C2CD3: variants seen among roughly 807,000 people sequenced by gnomAD.
The protein encoded by C2CD3 is C2 domain containing 3 centriole elongation regulator.
Under a neutral mutation model 234.0 loss-of-function variants are expected in C2CD3, and 148 were observed. That is an observed-to-expected ratio of 0.63 (90% CI 0.55 to 0.72). The LOEUF (loss-of-function observed/expected upper bound fraction) is 0.72, where lower values mean the gene tolerates loss of function less well. C2CD3 is among the 30% of genes least tolerant of loss of function. The probability of loss-of-function intolerance (pLI) is 0.00; values close to 1 mark genes in which losing one functional copy is unlikely to be tolerated. For missense variants in C2CD3, 2,577 were observed against 2,811.5 expected, an observed-to-expected ratio of 0.92 and a Z score of 1.89; for synonymous variants, 1,000 against 1,035.4, an observed-to-expected ratio of 0.97 and a Z score of 0.66.
rs1248563572 is a variant in C2CD3, at chr11:74,161,565, A to G, written c.326-9T>C. 2.6e-6 allele frequency: 4 copies of G among 1,532,352 alleles called. No individual in the cohort carries two copies. In the South Asian group the frequency reaches 3.8e-5, roughly 14 times the overall value. 94.9% of individuals were successfully genotyped at this position (1,532,352 alleles called of 1,614,324 possible). On this transcript the variant is annotated splice_polypyrimidine_tract_variant and intron_variant, in intron 2 of 32. Transcript: ENST00000334126. ...CACCAGCACAGCCATATCTAACCAGAAACAATTACAACATGGATATTTTTC... is the reference window on the plus strand; with the variant it reads ...CACCAGCACAGCCATATCTAACCAGGAACAATTACAACATGGATATTTTTC...
Position 74,132,978 on chromosome 11 carries a change from G to A in C2CD3, c.1089-6C>T. The A allele has an allele frequency of 2.5e-6, 4 of 1,612,898 alleles. No homozygotes were observed. Among genetic ancestry groups the A allele is most frequent in the Non-Finnish European group, 3.4e-6 (4 of 1,179,452 alleles). ...TCCTAGAAAAGGCTCTGATCCTAAG[G>A]TGTGGAAAAATACTTTCTCACTGAG... On this transcript the variant is annotated splice_region_variant and splice_polypyrimidine_tract_variant and intron_variant, in intron 6 of 32. Transcript: ENST00000334126.
At chr11:74,026,326 C>A (rs1311952966) in intron 32 of C2CD3, among the ~76,000 whole-genome samples, 1 of 151,726 alleles carries the variant, frequency 6.6e-6, no homozygotes, top group East Asian at 1.9e-4. Flanking sequence ...AAAAAACAAC[C>A]AACAGAGATA....
chr11:74,028,485 C>A (rs1952396016), intron 31 of C2CD3, 87 bp from the exon 32 acceptor site: 2 of 769,890 alleles, frequency 2.6e-6, no homozygotes, highest in Non-Finnish European at 2.1e-6. Flanking sequence ...ATTCACTCTG[C>A]CCCCACTCAT....
chr11:74,029,610 A>C (rs546083667), intron 31 of C2CD3, among the ~76,000 whole-genome samples: 42 of 151,642 alleles, frequency 2.8e-4, no homozygotes, highest in Non-Finnish European at 5.0e-4. Flanking sequence ...GGACTGCCAG[A>C]CAGCCAGCTG....
intron 23 of C2CD3, 102 bp downstream of exon 23, chr11:74,078,013 T>C: frequency 1.4e-6 from 2 of 1,382,776 alleles, no homozygotes; most frequent in Non-Finnish European, 2.0e-6. Context: ...ACAGGATTGC[T>C]GGGAGGGTCA....
intron 32 of C2CD3, chr11:74,016,890 C>G (rs1951900311): frequency 6.6e-6 from 1 of 152,404 alleles, no homozygotes; most frequent in South Asian, 2.1e-4. Flanking sequence ...CACATGGAAG[C>G]AGGATCGTCG....
In C2CD3 at chr11:74,170,773, T is replaced by A; in HGVS notation, c.20A>T (p.Gln7Leu). The A allele has an allele frequency of 1.9e-6, 3 of 1,614,182 alleles. No homozygotes were observed. The highest frequency in any genetic ancestry group is 2.5e-6 in the Non-Finnish European group (3 of 1,180,026). MKQRKG[Q>L]GSGGSRGRKK... is the part of the protein sequence containing the mutation. ...GCGCCCACGGCTGCCCCCAGACCCT[T>A]GGCCTTTTCGTTGTTTCATGATGAG... Residue 7 changes from glutamine (Q) to leucine (L), a missense_variant, in exon 1 of 33, where the codon CAA becomes CTA. Coordinates refer to ENST00000334126, the MANE Select transcript of C2CD3 (RefSeq NM_001286577.2).
intron 31 of C2CD3, 65 bp from the exon 32 acceptor site, chr11:74,028,463 T>A: frequency 5.3e-6 from 5 of 951,080 alleles, no homozygotes; most frequent in South Asian, 4.6e-5. Context: ...GAGGCCAGCA[T>A]CTCCACTGAC....
chr11:74,116,102 A>T (rs1468096701), intron 9 of C2CD3, among the ~76,000 whole-genome samples: 1 of 152,208 alleles, frequency 6.6e-6, no homozygotes, highest in Non-Finnish European at 1.5e-5. Flanking sequence ...AGCAAATGCA[A>T]CAAAAACAAA....
At chr11:74,117,299 CAA>C (rs1309974254) in intron 9 of C2CD3, among the ~76,000 whole-genome samples, 1 of 100,678 alleles carries the variant, frequency 9.9e-6, no homozygotes, top group Non-Finnish European at 2.0e-5. Flanking sequence ...GACCCCGTCT[CAA>C]AAAAAAAAAA....
At chr11:74,048,975 T>G (rs1953533404) in intron 27 of C2CD3, among the ~76,000 whole-genome samples, 1 of 152,252 alleles carries the variant, frequency 6.6e-6, no homozygotes, top group African/African-American at 2.4e-5. Flanking sequence ...TCAATTATTT[T>G]TTTAAATGAA....
chr11:74,088,030 C>T (rs1197024254), intron 20 of C2CD3, among the ~76,000 whole-genome samples: 2 of 152,034 alleles, frequency 1.3e-5, no homozygotes, highest in Non-Finnish European at 2.9e-5. Context: ...TTTACAGCAC[C>T]TGCTATCTAG....
rs138754669 is a variant in C2CD3 at position 74,013,084 on chromosome 11, C to T, written c.*301G>A. On this transcript the variant is annotated 3_prime_UTR_variant, in exon 33 of 33. Transcript: ENST00000334126. ...CAGCTGTGTCAAGGACACTGGGGGG[C>T]GTTTCTCCACCGAAAGATGCCTGCT... 7.6e-5 allele frequency: 14 copies of T among 183,614 alleles called. No individual in the cohort carries two copies. Among genetic ancestry groups the T allele is most frequent in the Middle Eastern group, 2.0e-3 (1 of 488 alleles). The allele number at this position is 183,614 out of a possible 1,614,324, so 11.4% of individuals were successfully genotyped here. A position where few individuals can be genotyped will look rare whatever the true frequency, so the allele number is the denominator to read the frequency against.
At chr11:74,123,319 T>G (rs1957286099) in intron 7 of C2CD3, among the ~76,000 whole-genome samples, 184 bp from the exon 8 acceptor site, 1 of 152,216 alleles carries the variant, frequency 6.6e-6, no homozygotes, top group Non-Finnish European at 1.5e-5. Context: ...TCTGGGATGC[T>G]AACAACCAGT....
chr11:74,159,968 G>A (rs12418009), intron 3 of C2CD3, among the ~76,000 whole-genome samples: 7,135 of 152,050 alleles, frequency 0.047, 257 homozygotes, highest in African/African-American at 0.098. Context: ...CTTTTATACT[G>A]TTATTTTTAT....
In C2CD3 at chr11:74,098,339, G is replaced by C. The variant is rs904528962; in HGVS notation, c.2733-84C>G. 3 of 1,438,582 alleles carry C rather than the reference G, an allele frequency of 2.1e-6. No individual in the cohort carries two copies. The African/African-American group carries it at 4.3e-5, about 20-fold the overall frequency. The allele number at this position is 1,438,582 out of a possible 1,614,324, so 89.1% of individuals were successfully genotyped here. A position where few individuals can be genotyped will look rare whatever the true frequency, so the allele number is the denominator to read the frequency against. ...ATTTCTTTCTTGACTCATTTTTTCA[G>C]TTTGTTAAAAATAGATTTGCAACTG... On this transcript the variant is annotated intron_variant, in intron 15 of 32. Coordinates refer to ENST00000334126, the MANE Select transcript of C2CD3 (RefSeq NM_001286577.2).
intron 32 of C2CD3, among the ~76,000 whole-genome samples, chr11:74,015,784 C>T (rs1335883742): frequency 6.6e-6 from 1 of 151,814 alleles, no homozygotes; most frequent in African/African-American, 2.4e-5. Context: ...AAAAAGACCT[C>T]TGTTGGGCTG....
chr11:74,100,731 T>A, intron 14 of C2CD3, 55 bp from the exon 15 acceptor site: 7 of 1,419,060 alleles, frequency 4.9e-6, no homozygotes, highest in Non-Finnish European at 6.8e-6. Context: ...AGACAAATAT[T>A]AATTTATACT....
chr11:74,150,516 C>CAAAAA (rs1162306851), intron 3 of C2CD3, among the ~76,000 whole-genome samples: 6 of 65,984 alleles, frequency 9.1e-5, no homozygotes, highest in Admixed American at 2.1e-4. Flanking sequence ...AAAAAAAAAA[C>CAAAAA]AAAAAAAAAA....
Sources: gnomAD v4.1 joint callset for allele counts (sites outside exome capture counted in the v4.1 genomes callset) on GRCh38, gnomAD v4.1.1 for gene constraint, MANE v1.5 for transcripts, NCBI Gene and HGNC (gene_info 2026-07-23, HGNC 2026-07-21) for gene names.